The following PDGFD variants were observed in gnomAD, a reference collection of about 807,000 sequenced individuals.
The protein encoded by PDGFD is platelet-derived growth factor D.
In PDGFD, 30 loss-of-function variants were observed where a neutral mutation model predicts 44.7. The ratio of observed to expected loss-of-function variants is 0.67; its 90% CI spans 0.50 to 0.91. PDGFD has a LOEUF of 0.91. PDGFD is among the 40% of genes least tolerant of loss of function. PDGFD has a pLI of 0.00. For synonymous variants in PDGFD, 173 were observed against 168.4 expected (o/e 1.03, Z -0.21); for missense variants, 445 against 457.8 (o/e 0.97, Z 0.25).
chr11:104,000,321 G>A, intron 1 of PDGFD, 66 bp from the exon 2 acceptor site: 3 of 1,367,110 alleles, frequency 2.2e-6, no homozygotes, highest in Non-Finnish European at 3.1e-6. Context: ...CAAAAAAAGA[G>A]AACAGTTTAC....
At chr11:103,920,901 T>C (rs565548824) in intron 6 of PDGFD, among the ~76,000 whole-genome samples, 1 of 152,338 alleles carries the variant, frequency 6.6e-6, no homozygotes, top group East Asian at 1.9e-4. Flanking sequence ...CCTTACACAA[T>C]TTCATTAAGA....
At chr11:103,955,163 C>CA (rs539890054) in intron 3 of PDGFD, among the ~76,000 whole-genome samples, 3 of 58,410 alleles carry the variant, frequency 5.1e-5, no homozygotes, top group African/African-American at 7.8e-5. Flanking sequence ...GACTCCGTCT[C>CA]AAAAAAAAAA....
At chr11:104,037,768 T>C in intron 1 of PDGFD, 1 of 1,614,174 alleles carries the variant, frequency 6.2e-7, no homozygotes, top group Non-Finnish European at 8.5e-7. Context: ...TTTCTTACAG[T>C]GCTCTTTCTC....
At position 104,134,112 on chromosome 11, in the gene PDGFD, T is replaced by C. The variant is rs148792421; in HGVS notation, c.124+29692A>G. Reference sequence around the variant, plus strand: ...TATAAACTATATTTTTGAAAAGTTATATTTCCATCACCCTTTTCAAGTATG... The same window carrying C: ...TATAAACTATATTTTTGAAAAGTTACATTTCCATCACCCTTTTCAAGTATG... On this transcript the variant is annotated intron_variant, in intron 1 of 6. Coordinates refer to ENST00000393158, the MANE Select transcript of PDGFD (RefSeq NM_025208.5). 5.3e-4 allele frequency among the ~76,000 whole-genome samples: 80 copies of C among 151,786 alleles called. 1 individual carries two copies. In the East Asian group the frequency reaches 0.013, roughly 25 times the overall value.
chr11:103,941,840 T>C (rs1858589226), intron 5 of PDGFD, among the ~76,000 whole-genome samples: 1 of 152,110 alleles, frequency 6.6e-6, no homozygotes, highest in Admixed American at 6.6e-5. Context: ...CCAATACTAT[T>C]TTTATATAAA....
intron 1 of PDGFD, among the ~76,000 whole-genome samples, chr11:104,067,612 G>A (rs868212294): frequency 7.9e-5 from 12 of 152,236 alleles, no homozygotes; most frequent in Middle Eastern, 6.8e-3. Context: ...AAAACAAGGA[G>A]GTCAGCCAAG....
intron 1 of PDGFD, among the ~76,000 whole-genome samples, chr11:104,156,127 C>T (rs1040639452): frequency 1.3e-5 from 2 of 152,118 alleles, no homozygotes; most frequent in African/African-American, 2.4e-5. Flanking sequence ...ACACTGTATA[C>T]ATATTTCAAA....
chr11:103,932,494 AGTTAAGAAGCATCCATATTCAG>A (rs1399767861), intron 5 of PDGFD, among the ~76,000 whole-genome samples: 1 of 152,222 alleles, frequency 6.6e-6, no homozygotes, highest in Non-Finnish European at 1.5e-5. Flanking sequence ...ACCCATCAAA[AGTTAAGAAGCATCCATATTCAG>A]GTGCTTCTCT....
intron 6 of PDGFD, among the ~76,000 whole-genome samples, chr11:103,916,921 A>G (rs956667871): frequency 4.6e-5 from 7 of 152,140 alleles, no homozygotes; most frequent in Non-Finnish European, 8.8e-5. Context: ...GGAACATCAC[A>G]CACCAGGTCC....
At chr11:104,084,591 T>C (rs1032830807) in intron 1 of PDGFD, among the ~76,000 whole-genome samples, 2 of 148,478 alleles carry the variant, frequency 1.3e-5, no homozygotes, top group African/African-American at 2.5e-5. Flanking sequence ...CACACTCTTT[T>C]TTTAAAAATT....
intron 3 of PDGFD, among the ~76,000 whole-genome samples, chr11:103,966,085 T>C (rs117285578): frequency 0.029 from 4,431 of 152,206 alleles, 113 homozygotes; most frequent in Admixed American, 0.068. Context: ...ATTTAATATA[T>C]AAAAGCCAAA....
At chr11:103,978,537 T>C (rs1032510760) in intron 3 of PDGFD, among the ~76,000 whole-genome samples, 1 of 150,606 alleles carries the variant, frequency 6.6e-6, no homozygotes, top group Non-Finnish European at 1.5e-5. Flanking sequence ...TCCAGCCTAC[T>C]GAGTTTTTTT....
At chr11:104,012,729 T>C (rs1345706094) in intron 1 of PDGFD, among the ~76,000 whole-genome samples, 1 of 152,238 alleles carries the variant, frequency 6.6e-6, no homozygotes, top group African/African-American at 2.4e-5. Context: ...TCATGCTACA[T>C]GTCCACTTTG....
At chr11:104,131,387 T>C (rs888172102) in intron 1 of PDGFD, among the ~76,000 whole-genome samples, 3 of 152,146 alleles carry the variant, frequency 2.0e-5, no homozygotes, top group Non-Finnish European at 4.4e-5. Flanking sequence ...CATCATTAAT[T>C]GTTACCAGCA....
At chr11:104,160,613 A>C (rs1862374605) in intron 1 of PDGFD, among the ~76,000 whole-genome samples, 1 of 152,224 alleles carries the variant, frequency 6.6e-6, no homozygotes, top group Non-Finnish European at 1.5e-5. Context: ...CGAGAATAAT[A>C]AATACGATAT....
chr11:103,968,969 C>T (rs1859060799), intron 3 of PDGFD, among the ~76,000 whole-genome samples: 1 of 152,154 alleles, frequency 6.6e-6, no homozygotes, highest in Non-Finnish European at 1.5e-5. Context: ...ATGGAAAGTT[C>T]TCCCAACTCT....
intron 5 of PDGFD, among the ~76,000 whole-genome samples, chr11:103,938,749 A>G (rs1858533630): frequency 6.6e-6 from 1 of 152,164 alleles, no homozygotes; most frequent in Non-Finnish European, 1.5e-5. Flanking sequence ...TAAGGAAGGG[A>G]TCCAGTTTCA....
chr11:103,951,174 T>G, intron 3 of PDGFD, among the ~76,000 whole-genome samples: 1 of 152,232 alleles, frequency 6.6e-6, no homozygotes, highest in South Asian at 2.1e-4. Context: ...TTTGTGTTAC[T>G]TCAGAAGTTT....
intron 1 of PDGFD, among the ~76,000 whole-genome samples, chr11:104,101,488 A>C: frequency 6.6e-6 from 1 of 152,024 alleles, no homozygotes; most frequent in Admixed American, 6.6e-5. Flanking sequence ...TATCGTGAAA[A>C]TGGTCATACT....
Sources: allele counts gnomAD v4.1 joint callset (sites outside exome capture counted in the v4.1 genomes callset), GRCh38; gene constraint gnomAD v4.1.1; transcripts MANE v1.5; gene names NCBI Gene and HGNC (gene_info 2026-07-23, HGNC 2026-07-21).